The following HRH2 variants were observed in gnomAD, a reference collection of about 807,000 sequenced individuals.
The protein encoded by HRH2 is histamine receptor H2, also known as histamine H2 receptor.
A neutral mutation model predicts 20.1 loss-of-function variants in HRH2; 4 were observed. That is an observed-to-expected ratio of 0.20 (90% CI 0.10 to 0.45). HRH2 has a LOEUF of 0.45. Among genes scored for constraint, HRH2 ranks in the 20% least tolerant of loss-of-function variants. The probability of loss-of-function intolerance (pLI) is 0.99; values close to 1 mark genes in which losing one functional copy is unlikely to be tolerated. For missense variants in HRH2, 250 were observed against 461.6 expected (o/e 0.54, Z 4.20); for synonymous variants, 197 against 200.7 (o/e 0.98, Z 0.16).
intron 2 of HRH2, among the ~76,000 whole-genome samples, chr5:175,695,049 G>A (rs554557320): frequency 2.5e-3 from 374 of 152,108 alleles, no homozygotes; most frequent in African/African-American, 8.7e-3. Flanking sequence ...GGCGGGGCCC[G>A]TGCCGATGAC....
At chr5:175,706,685 A>G (rs1215690527) in intron 2 of HRH2, among the ~76,000 whole-genome samples, 1 of 152,234 alleles carries the variant, frequency 6.6e-6, no homozygotes, top group East Asian at 1.9e-4. Context: ...GCCCAGGTGC[A>G]GGTGGGGTGT....
At chr5:175,678,634 G>C (rs1351797924) in intron 1 of HRH2, among the ~76,000 whole-genome samples, 2 of 152,258 alleles carry the variant, frequency 1.3e-5, no homozygotes, top group Non-Finnish European at 2.9e-5. Flanking sequence ...CAGGGTTGCC[G>C]TGACGCTCGC....
intron 1 of HRH2, among the ~76,000 whole-genome samples, chr5:175,675,204 G>A (rs532145569): frequency 6.6e-6 from 1 of 152,312 alleles, no homozygotes; most frequent in Admixed American, 6.5e-5. Context: ...ATAATGGCAG[G>A]CCTGTCATGA....
At chr5:175,678,154 G>A (rs570578182) in intron 1 of HRH2, among the ~76,000 whole-genome samples, 92 of 152,256 alleles carry the variant, frequency 6.0e-4, no homozygotes, top group African/African-American at 2.1e-3. Flanking sequence ...TCCACAGTAG[G>A]TCCCGGATGT....
intron 1 of HRH2, among the ~76,000 whole-genome samples, chr5:175,662,400 C>T (rs113965534): frequency 3.3e-5 from 5 of 152,130 alleles, no homozygotes; most frequent in South Asian, 2.1e-4. Context: ...CCACAATACA[C>T]GGGACAGCCC....
chr5:175,661,896 C>A (rs895039341), intron 1 of HRH2, among the ~76,000 whole-genome samples: 6 of 152,158 alleles, frequency 3.9e-5, no homozygotes, highest in Non-Finnish European at 5.9e-5. Flanking sequence ...ATGGCAGGCG[C>A]CTGTAGTCCC....
chr5:175,660,215 G>C (rs1033941657), intron 1 of HRH2, among the ~76,000 whole-genome samples: 35 of 152,268 alleles, frequency 2.3e-4, no homozygotes, highest in Middle Eastern at 3.4e-3. Context: ...CTGATGATGG[G>C]GAAAAGGGTG....
chr5:175,696,812 G>C (rs944504979), intron 2 of HRH2, among the ~76,000 whole-genome samples: 1 of 151,318 alleles, frequency 6.6e-6, no homozygotes. Context: ...TATAAGACGG[G>C]GAGAATCTCA....
intron 2 of HRH2, among the ~76,000 whole-genome samples, chr5:175,684,733 T>C (rs1352559218): frequency 6.6e-6 from 1 of 152,118 alleles, no homozygotes; most frequent in East Asian, 1.9e-4. Context: ...TTGACGGGCC[T>C]GTTGTGGGGT....
chr5:175,673,515 G>T (rs2382068), intron 1 of HRH2, among the ~76,000 whole-genome samples: 1 of 152,056 alleles, frequency 6.6e-6, no homozygotes, highest in African/African-American at 2.4e-5. Flanking sequence ...GCTGCCAGGG[G>T]CTAGGGAAAG....
At chr5:175,660,505 G>A (rs1762708597) in intron 1 of HRH2, among the ~76,000 whole-genome samples, 1 of 152,232 alleles carries the variant, frequency 6.6e-6, no homozygotes, top group Non-Finnish European at 1.5e-5. Flanking sequence ...AAAAAGACTG[G>A]AAGGAAATAG....
intron 1 of HRH2, among the ~76,000 whole-genome samples, chr5:175,672,276 G>T (rs1211707337): frequency 6.6e-6 from 1 of 152,082 alleles, no homozygotes; most frequent in Admixed American, 6.6e-5. Flanking sequence ...CCCCTGGGTG[G>T]CAGGGATGTG....
At chr5:175,668,318 C>G (rs1755382528) in intron 1 of HRH2, among the ~76,000 whole-genome samples, 1 of 152,204 alleles carries the variant, frequency 6.6e-6, no homozygotes, top group Non-Finnish European at 1.5e-5. Context: ...TGACTCCGCA[C>G]AGCAGTCAGA....
chr5:175,662,404 A>G (rs10072423), intron 1 of HRH2, among the ~76,000 whole-genome samples: 20,400 of 152,154 alleles, frequency 0.13, 1,608 homozygotes, highest in Middle Eastern at 0.22. Flanking sequence ...AATACACGGG[A>G]CAGCCCTCAT....
intron 1 of HRH2, among the ~76,000 whole-genome samples, chr5:175,664,369 C>T (rs1264762608): frequency 6.6e-6 from 1 of 152,204 alleles, no homozygotes; most frequent in Non-Finnish European, 1.5e-5. Context: ...GCAATGGATA[C>T]ACCTGATAAG....
At chr5:175,684,347 A>G in intron 2 of HRH2, 38 bp downstream of exon 2, 3 of 1,594,120 alleles carry the variant, frequency 1.9e-6, no homozygotes, top group Non-Finnish European at 1.7e-6. Context: ...GATGGGGGCA[A>G]TGGGAGGGGA....
At chr5:175,695,512 A>C (rs1756544939) in intron 2 of HRH2, among the ~76,000 whole-genome samples, 1 of 152,194 alleles carries the variant, frequency 6.6e-6, no homozygotes, top group African/African-American at 2.4e-5. Flanking sequence ...AAACATCTTC[A>C]TGCAGGGAAC....
Position 175,707,965 on chromosome 5 carries a change from T to G in HRH2, c.1263T>G (p.Ala421=). 1 of 399,068 alleles carries G rather than the reference T, an allele frequency of 2.5e-6. No homozygotes were observed. The allele number at this position is 399,068 out of a possible 1,614,324, so 24.7% of individuals were successfully genotyped here. The change falls in exon 3 of 3, where the codon GCT becomes GCG. Residue 421 remains alanine, a synonymous_variant. Coordinates refer to ENST00000636584, the MANE Select transcript of HRH2 (RefSeq NM_001367711.1). ...CGGTGAGGACGCTGCCCTCTGAGGC[T>G]GTCTAGACCTAGCCCCAGGACACTG... The part of the protein sequence containing the change: ...QKAVRTLPSE[A]V
At chr5:175,682,222 C>T (rs567182568) in intron 1 of HRH2, among the ~76,000 whole-genome samples, 4 of 152,344 alleles carry the variant, frequency 2.6e-5, no homozygotes, top group South Asian at 2.1e-4. Flanking sequence ...TGTCGGCCAC[C>T]GCCTTAGAGT....
Sources: gnomAD v4.1 joint callset for allele counts (sites outside exome capture counted in the v4.1 genomes callset) on GRCh38, gnomAD v4.1.1 for gene constraint, MANE v1.5 for transcripts, NCBI Gene and HGNC (gene_info 2026-07-23, HGNC 2026-07-21) for gene names.